FYB2: variants seen among roughly 807,000 people sequenced by gnomAD.
FYB2 encodes FYN binding protein 2, also known as FYN-binding protein 2.
FYB2 carries 103 observed loss-of-function variants against 94.1 expected under a neutral mutation model. The observed-to-expected ratio is 1.09, with a 90% CI of 0.93 to 1.29. The LOEUF is 1.29. FYB2 is among the 50% of genes most tolerant of loss of function. The probability of loss-of-function intolerance (pLI) is 0.00; values close to 1 mark genes in which losing one functional copy is unlikely to be tolerated. For missense variants in FYB2, 896 were observed against 841.5 expected (o/e 1.06, Z -0.80); for synonymous variants, 293 against 287.9 (o/e 1.02, Z -0.18).
rs751684730 is a variant in FYB2 at position 56,789,163 on chromosome 1, T to A, written c.758-29A>T. Reference sequence around the variant, plus strand: ...AACACAAGACAGTAAAAAATGTAAGTTATGATTATTTTCATTTCATAGCTT... The same window carrying A: ...AACACAAGACAGTAAAAAATGTAAGATATGATTATTTTCATTTCATAGCTT... On this transcript the variant is annotated intron_variant, in intron 2 of 19. Transcript: ENST00000343433. 4 of 1,531,076 alleles carry A rather than the reference T, an allele frequency of 2.6e-6. No homozygotes were observed. The South Asian group carries it at 5.2e-5, about 20-fold the overall frequency. 94.8% of individuals were successfully genotyped at this position (1,531,076 alleles called of 1,614,324 possible).
chr1:56,727,045 C>A (rs1368605414), intron 15 of FYB2, among the ~76,000 whole-genome samples: 1 of 151,774 alleles, frequency 6.6e-6, no homozygotes, highest in Non-Finnish European at 1.5e-5. Flanking sequence ...TGATTCCAGG[C>A]AAAAGAGAAT....
intron 4 of FYB2, among the ~76,000 whole-genome samples, chr1:56,786,569 C>T (rs1336750323): frequency 6.6e-6 from 1 of 152,122 alleles, no homozygotes; most frequent in Admixed American, 6.6e-5. Flanking sequence ...AGTTATGGCA[C>T]ATCTGGGTTG....
At chr1:56,757,171 G>T (rs186620591) in intron 6 of FYB2, among the ~76,000 whole-genome samples, 1 of 152,028 alleles carries the variant, frequency 6.6e-6, no homozygotes, top group African/African-American at 2.4e-5. Flanking sequence ...GATAAAATGG[G>T]ATAAAATTCA....
chr1:56,750,994 T>C, intron 9 of FYB2, 50 bp downstream of exon 9: 1 of 1,584,778 alleles, frequency 6.3e-7, no homozygotes, highest in Non-Finnish European at 8.6e-7. Flanking sequence ...CATGCTCAGC[T>C]ATAAAACAAA....
chr1:56,739,530 T>C (rs1333189403), intron 13 of FYB2, among the ~76,000 whole-genome samples: 1 of 152,064 alleles, frequency 6.6e-6, no homozygotes, highest in African/African-American at 2.4e-5. Context: ...CTATAGGTAA[T>C]TACCTTGGGC....
intron 15 of FYB2, among the ~76,000 whole-genome samples, chr1:56,734,990 A>G (rs969461102): frequency 5.3e-5 from 8 of 152,076 alleles, no homozygotes; most frequent in Non-Finnish European, 1.0e-4. Flanking sequence ...GGAGAATAGG[A>G]AATTCTCTTC....
chr1:56,763,583 A>G (rs1102185), intron 5 of FYB2, among the ~76,000 whole-genome samples: 114,944 of 152,086 alleles, frequency 0.76, 44,655 homozygotes, highest in African/African-American at 0.94. Context: ...ATATCTACAG[A>G]GTCTATAATG....
Position 56,719,640 on chromosome 1 carries a change from G to A in FYB2, c.*31C>T, listed in dbSNP as rs111532693. On this transcript the variant is annotated 3_prime_UTR_variant, in exon 20 of 20. Transcript: ENST00000343433. ...AGGATCTTAGGACTAGTTCTCCTTT[G>A]TGCAGTCCATAGCATTTGATCTTGA... 1.3e-4 allele frequency: 210 copies of A among 1,583,410 alleles called. 1 individual carries two copies. The African/African-American group carries it at 2.2e-3, about 16-fold the overall frequency.
chr1:56,726,778 C>T (rs1294184790), intron 15 of FYB2, among the ~76,000 whole-genome samples, 195 bp from the exon 16 acceptor site: 1 of 152,042 alleles, frequency 6.6e-6, no homozygotes, highest in Non-Finnish European at 1.5e-5. Flanking sequence ...GGCAGCTCTT[C>T]AACTCTACTG....
In FYB2 at chr1:56,744,123, T is replaced by C. The variant is rs1306028688; in HGVS notation, c.1502+29A>G. On this transcript the variant is annotated intron_variant, in intron 10 of 19. Coordinates refer to ENST00000343433, the MANE Select transcript of FYB2 (RefSeq NM_001004303.5). Reference sequence around the variant, plus strand: ...TACCTTTAAAGTCTCATCACATTCATCTTGCTGAAAGACTGGAATGTTACT... The same window carrying C: ...TACCTTTAAAGTCTCATCACATTCACCTTGCTGAAAGACTGGAATGTTACT... The C allele has an allele frequency of 1.9e-6, 3 of 1,611,542 alleles. No individual in the cohort carries two copies. In the Admixed American group the frequency reaches 5.0e-5, roughly 27 times the overall value.
intron 16 of FYB2, among the ~76,000 whole-genome samples, chr1:56,724,063 TC>T (rs141765479): frequency 0.16 from 24,290 of 149,226 alleles, 2,872 homozygotes; most frequent in African/African-American, 0.33. Flanking sequence ...TATAACTTTT[TC>T]TTTTTTTTAG....
Position 56,719,991 on chromosome 1 carries a change from A to G in FYB2, c.2165+31T>C, listed in dbSNP as rs1283539371. Reference sequence around the variant, plus strand: ...GTATACAACAATGTATTAGGAACTCATGATTTAAAGTATAAAATCAAACAG... The same window carrying G: ...GTATACAACAATGTATTAGGAACTCGTGATTTAAAGTATAAAATCAAACAG... On this transcript the variant is annotated intron_variant, in intron 19 of 19. Transcript: ENST00000343433. 4 of 1,555,410 alleles carry G rather than the reference A, an allele frequency of 2.6e-6. No individual in the cohort carries two copies. The South Asian group carries it at 3.5e-5, about 14-fold the overall frequency.
In FYB2 at chr1:56,726,564, T is replaced by C; in HGVS notation, c.1813A>G (p.Met605Val). 1.2e-6 allele frequency: 2 copies of C among 1,611,732 alleles called. No individual in the cohort carries two copies. Among genetic ancestry groups the C allele is most frequent in the Non-Finnish European group, 1.7e-6 (2 of 1,178,596 alleles). The change falls in exon 16 of 20, where the codon ATG (methionine) becomes GTG (valine). Residue 605 changes from methionine (M) to valine (V), a missense_variant. Transcript: ENST00000343433. The part of the protein sequence containing the change: ...KESKDEDKLK[M>V]WKPKFLTPKE... ...GGTGTCAGAAACTTGGGCTTCCACA[T>C]TTTCAGTTTATCTTCATCTCTGAGG...
At chr1:56,788,626 C>T (rs1557649515) in intron 3 of FYB2, among the ~76,000 whole-genome samples, 2 of 152,196 alleles carry the variant, frequency 1.3e-5, no homozygotes, top group Admixed American at 6.5e-5. Context: ...ACTCCCTCCC[C>T]ACTTCTCCTG....
chr1:56,794,611 G>A (rs911145126), intron 1 of FYB2, among the ~76,000 whole-genome samples: 3 of 152,046 alleles, frequency 2.0e-5, no homozygotes, highest in Admixed American at 2.0e-4. Flanking sequence ...AAGTGTCAGG[G>A]AGCTTAAGTA....
chr1:56,720,421 A>C (rs924252085), intron 17 of FYB2, 92 bp from the exon 18 acceptor site: 15 of 1,192,450 alleles, frequency 1.3e-5, no homozygotes, highest in Non-Finnish European at 1.7e-5. Context: ...TAACTTCAAA[A>C]TTAACTCAAG....
At chr1:56,775,072 C>T (rs1029694601) in intron 4 of FYB2, among the ~76,000 whole-genome samples, 1 of 152,098 alleles carries the variant, frequency 6.6e-6, no homozygotes, top group Non-Finnish European at 1.5e-5. Flanking sequence ...CCTCAGCTTG[C>T]AGATGGCCTA....
chr1:56,798,298 T>C (rs1431418198), intron 1 of FYB2, among the ~76,000 whole-genome samples: 2 of 152,228 alleles, frequency 1.3e-5, no homozygotes, highest in East Asian at 3.9e-4. Flanking sequence ...CTGGTACTTT[T>C]GATTTGTACT....
chr1:56,815,019 C>A (rs778308227), intron 1 of FYB2, among the ~76,000 whole-genome samples: 1 of 152,162 alleles, frequency 6.6e-6, no homozygotes, highest in Non-Finnish European at 1.5e-5. Flanking sequence ...TGAAGCCTCT[C>A]AGTGGCTCTC....
Sources: gnomAD v4.1 joint callset for allele counts (sites outside exome capture counted in the v4.1 genomes callset) on GRCh38, gnomAD v4.1.1 for gene constraint, MANE v1.5 for transcripts, NCBI Gene and HGNC (gene_info 2026-07-23, HGNC 2026-07-21) for gene names.